The following DYRK1A variants were observed in gnomAD, a reference collection of about 807,000 sequenced individuals.
DYRK1A encodes dual specificity tyrosine-phosphorylation-regulated kinase 1A.
DYRK1A carries 9 observed loss-of-function variants against 79.7 expected under a neutral mutation model. The ratio of observed to expected loss-of-function variants is 0.11; its 90% CI spans 0.07 to 0.20. The LOEUF (loss-of-function observed/expected upper bound fraction) is 0.20. DYRK1A is among the 10% of genes least tolerant of loss of function. The pLI is 1.00. For missense variants in DYRK1A, 622 were observed against 956.0 expected, an observed-to-expected ratio of 0.65 and a Z score of 4.61; for synonymous variants, 349 against 329.7, an observed-to-expected ratio of 1.06 and a Z score of -0.63.
chr21:37,434,904 G>T (rs1485308336), intron 2 of DYRK1A, among the ~76,000 whole-genome samples: 4 of 152,146 alleles, frequency 2.6e-5, no homozygotes, highest in Non-Finnish European at 1.5e-5. Context: ...TGTATAGAAA[G>T]ACATTTACAT....
chr21:37,461,296 AACT>A (rs1180485568), intron 2 of DYRK1A, among the ~76,000 whole-genome samples: 3 of 152,242 alleles, frequency 2.0e-5, no homozygotes, highest in Non-Finnish European at 4.4e-5. Context: ...GCAAAACCAC[AACT>A]ACTTTTACAC....
chr21:37,448,477 G>A (rs2051341233), intron 2 of DYRK1A, among the ~76,000 whole-genome samples: 1 of 152,128 alleles, frequency 6.6e-6, no homozygotes, highest in East Asian at 1.9e-4. Context: ...TAAAAGCTCT[G>A]CAAGTGAGCT....
At chr21:37,461,282 A>T (rs2051829236) in intron 2 of DYRK1A, among the ~76,000 whole-genome samples, 2 of 152,226 alleles carry the variant, frequency 1.3e-5, no homozygotes, top group South Asian at 4.1e-4. Flanking sequence ...GTTATAATAA[A>T]ATGGCAAAAC....
intron 1 of DYRK1A, among the ~76,000 whole-genome samples, chr21:37,413,129 ACTC>A (rs912361430): frequency 2.2e-4 from 33 of 152,170 alleles, no homozygotes; most frequent in Non-Finnish European, 2.5e-4. Flanking sequence ...TTCTCTGTAA[ACTC>A]CACAGAAGTG....
intron 9 of DYRK1A, among the ~76,000 whole-genome samples, chr21:37,498,376 T>G (rs2053338937): frequency 6.6e-6 from 1 of 152,192 alleles, no homozygotes; most frequent in Non-Finnish European, 1.5e-5. Context: ...TCCCACTACT[T>G]TCTGATTTCT....
chr21:37,521,993 G>C lies in DYRK1A; in HGVS notation c.*9462G>C, dbSNP rs528283530. The C allele has an allele frequency of 6.6e-6, 1 of 152,346 alleles. No individual in the cohort carries two copies. The highest frequency in any genetic ancestry group is 2.1e-4 in the South Asian group (1 of 4,826). 9.4% of individuals were successfully genotyped at this position (152,346 alleles called of 1,614,324 possible). ...CGGGCCTGGGAATGGCCAATTTCTG[G>C]TCATTCTCATATAGGCAACTGATGG... is the stretch of plus-strand genomic sequence containing the variant. On this transcript the variant is annotated 3_prime_UTR_variant, in exon 12 of 12. Coordinates refer to ENST00000647188, the MANE Select transcript of DYRK1A (RefSeq NM_001347721.2).
At chr21:37,444,747 A>G (rs1226854137) in intron 2 of DYRK1A, among the ~76,000 whole-genome samples, 1 of 152,180 alleles carries the variant, frequency 6.6e-6, no homozygotes, top group Non-Finnish European at 1.5e-5. Flanking sequence ...GTTTGCTTCT[A>G]GATAAGATGA....
Position 37,513,413 on chromosome 21 carries a change from A to C in DYRK1A, c.*882A>C, listed in dbSNP as rs916370685. Reference sequence around the variant, plus strand: ...AGAAGAGCCTACCATTTCAGATGCAATCACTTTTGGACATGCTTTTGCAGA... The same window carrying C: ...AGAAGAGCCTACCATTTCAGATGCACTCACTTTTGGACATGCTTTTGCAGA... On this transcript the variant is annotated 3_prime_UTR_variant, in exon 12 of 12. Coordinates refer to ENST00000647188, the MANE Select transcript of DYRK1A (RefSeq NM_001347721.2). The C allele has an allele frequency of 6.6e-6, 1 of 152,624 alleles. No homozygotes were observed. Among genetic ancestry groups the C allele is most frequent in the Non-Finnish European group, 1.5e-5 (1 of 68,034 alleles). The allele number at this position is 152,624 out of a possible 1,614,324, so 9.5% of individuals were successfully genotyped here.
rs1401008963 is a variant in DYRK1A at position 37,520,483 on chromosome 21, T to G, written c.*7952T>G. The G allele has an allele frequency of 6.6e-6, 1 of 152,234 alleles. No homozygotes were observed. The highest frequency in any genetic ancestry group is 2.4e-5 in the African/African-American group (1 of 41,462). 9.4% of individuals were successfully genotyped at this position (152,234 alleles called of 1,614,324 possible). On this transcript the variant is annotated 3_prime_UTR_variant, in exon 12 of 12. Coordinates refer to ENST00000647188, the MANE Select transcript of DYRK1A (RefSeq NM_001347721.2). Reference sequence around the variant, plus strand: ...AGGTGACTACATCGAGCCTGGGTTCTCTCAGTATTAGCCTGTTATTCCTAA... The same window carrying G: ...AGGTGACTACATCGAGCCTGGGTTCGCTCAGTATTAGCCTGTTATTCCTAA...
chr21:37,464,238 A>G (rs1188049019), intron 2 of DYRK1A: 1 of 468,748 alleles, frequency 2.1e-6, no homozygotes, highest in Non-Finnish European at 4.2e-6. Context: ...AGTCTTTGAG[A>G]TGTGTTGTTT....
chr21:37,433,679 G>A (rs1336645743), intron 2 of DYRK1A, among the ~76,000 whole-genome samples: 1 of 152,300 alleles, frequency 6.6e-6, no homozygotes, highest in Admixed American at 6.5e-5. Flanking sequence ...TTTCAAACCT[G>A]TCTTAAGCCT....
intron 9 of DYRK1A, among the ~76,000 whole-genome samples, chr21:37,498,757 C>T (rs2053351838): frequency 1.3e-5 from 2 of 152,098 alleles, no homozygotes; most frequent in Admixed American, 6.6e-5. Flanking sequence ...ACCAGTTCTC[C>T]AAAGTTGTTT....
chr21:37,403,797 T>G (rs868772442), intron 1 of DYRK1A, among the ~76,000 whole-genome samples: 43 of 147,836 alleles, frequency 2.9e-4, no homozygotes, highest in African/African-American at 9.7e-4. Flanking sequence ...TGATGAATAC[T>G]GTTTTTTTTT....
chr21:37,464,522 A>C (rs1370570526), intron 2 of DYRK1A, among the ~76,000 whole-genome samples: 1 of 152,214 alleles, frequency 6.6e-6, no homozygotes, highest in Non-Finnish European at 1.5e-5. Flanking sequence ...ACAGCAGTTG[A>C]AAATACTTTG....
intron 1 of DYRK1A, among the ~76,000 whole-genome samples, chr21:37,385,472 C>T (rs577822261): frequency 6.6e-6 from 1 of 152,312 alleles, no homozygotes; most frequent in African/African-American, 2.4e-5. Context: ...TTCTGACACA[C>T]CCACTTACTT....
chr21:37,473,536 A>G (rs1250424269), intron 3 of DYRK1A, among the ~76,000 whole-genome samples: 2 of 152,202 alleles, frequency 1.3e-5, no homozygotes, highest in South Asian at 2.1e-4. Flanking sequence ...TAACAGCTGT[A>G]GTTGTGTGAA....
At position 37,526,146 on chromosome 21, in the gene DYRK1A, C is replaced by A. The variant is rs994750424; in HGVS notation, c.*13615C>A. 2 of 152,160 alleles carry A rather than the reference C, an allele frequency of 1.3e-5. No individual in the cohort carries two copies. Among genetic ancestry groups the A allele is most frequent in the Non-Finnish European group, 2.9e-5 (2 of 68,028 alleles). The allele number at this position is 152,160 out of a possible 1,614,324, so 9.4% of individuals were successfully genotyped here. A position where few individuals can be genotyped will look rare whatever the true frequency, so the allele number is the denominator to read the frequency against. ...TTCCCACACACATTTGCCACAGATA[C>A]ATTATCTGAGCCCAAACTACAGTTT... On this transcript the variant is annotated 3_prime_UTR_variant, in exon 12 of 12. Transcript: ENST00000647188.
chr21:37,457,345 G>A (rs1383640136), intron 2 of DYRK1A, among the ~76,000 whole-genome samples: 2 of 152,142 alleles, frequency 1.3e-5, no homozygotes, highest in Admixed American at 1.3e-4. Flanking sequence ...CTATTCTCCT[G>A]CCTCAGCCTC....
intron 1 of DYRK1A, among the ~76,000 whole-genome samples, chr21:37,406,543 A>C: frequency 6.6e-6 from 1 of 152,040 alleles, no homozygotes; most frequent in Non-Finnish European, 1.5e-5. Flanking sequence ...AAAAATACAA[A>C]AACTAGCCAG....
Sources: allele counts gnomAD v4.1 joint callset (sites outside exome capture counted in the v4.1 genomes callset), GRCh38; gene constraint gnomAD v4.1.1; transcripts MANE v1.5; gene names NCBI Gene and HGNC (gene_info 2026-07-23, HGNC 2026-07-21).